SLIT1: variants seen among roughly 807,000 people sequenced by gnomAD.
SLIT1 encodes slit guidance ligand 1.
In SLIT1, 66 loss-of-function variants were observed where a neutral mutation model predicts 186.1. The ratio of observed to expected loss-of-function variants is 0.35; its 90% CI spans 0.29 to 0.44. SLIT1 has a LOEUF of 0.44. Among genes scored for constraint, SLIT1 ranks in the 20% least tolerant of loss-of-function variants. The probability of loss-of-function intolerance (pLI) is 1.00; values close to 1 mark genes in which losing one functional copy is unlikely to be tolerated. For missense variants in SLIT1, 1,638 were observed against 2,037.4 expected (o/e 0.80, Z 3.77); for synonymous variants, 761 against 833.8 (o/e 0.91, Z 1.50).
intron 4 of SLIT1, among the ~76,000 whole-genome samples, chr10:97,131,189 G>A (rs1849651048): frequency 6.6e-6 from 1 of 152,178 alleles, no homozygotes; most frequent in African/African-American, 2.4e-5. Flanking sequence ...GAGCCACACA[G>A]GCCAGAAACA....
intron 22 of SLIT1, among the ~76,000 whole-genome samples, 195 bp from the exon 23 acceptor site, chr10:97,034,737 C>T (rs1043014094): frequency 1.3e-5 from 2 of 152,126 alleles, no homozygotes; most frequent in Non-Finnish European, 2.9e-5. Context: ...TCCCTCAACT[C>T]CCTCAGGTAC....
chr10:97,051,911 A>G (rs1287840434), intron 13 of SLIT1, among the ~76,000 whole-genome samples: 3 of 152,072 alleles, frequency 2.0e-5, no homozygotes, highest in East Asian at 3.9e-4. Flanking sequence ...AGTGGAAACC[A>G]CCCCAAATGT....
At position 97,046,757 on chromosome 10, in the gene SLIT1, C is replaced by T. The variant is rs747842718; in HGVS notation, c.1750G>A (p.Ala584Thr). Residue 584 changes from alanine (A) to threonine (T), a missense_variant, in exon 18 of 37, where the codon GCC (alanine) becomes ACC (threonine). By Grantham distance (58) the Ala-to-Thr change is moderately conservative. Coordinates refer to ENST00000266058, the MANE Select transcript of SLIT1 (RefSeq NM_003061.3). ...CTCACAGAGGCTGCGCCCTCGAAGG[C>T]CCCATCTTCAATTTCTGACACCTTG... is the stretch of plus-strand genomic sequence containing the variant. The part of the protein sequence containing the change: ...NNKVSEIEDG[A>T]FEGAASVSEL... The T allele has an allele frequency of 2.5e-6, 4 of 1,612,448 alleles. No individual in the cohort carries two copies. The highest frequency in any genetic ancestry group is 2.5e-6 in the Non-Finnish European group (3 of 1,180,022).
intron 4 of SLIT1, among the ~76,000 whole-genome samples, chr10:97,078,231 G>A (rs1849064820): frequency 6.6e-6 from 1 of 152,190 alleles, no homozygotes; most frequent in African/African-American, 2.4e-5. Flanking sequence ...TGGGGTCTGA[G>A]CTCTGCCCTT....
chr10:97,161,184 G>C (rs1161160489), intron 3 of SLIT1, among the ~76,000 whole-genome samples: 1 of 152,126 alleles, frequency 6.6e-6, no homozygotes, highest in Non-Finnish European at 1.5e-5. Flanking sequence ...GTCATGTCTC[G>C]ACCCCCCAGA....
intron 12 of SLIT1, 86 bp from the exon 13 acceptor site, chr10:97,056,550 G>C (rs1250420454): frequency 4.2e-6 from 6 of 1,412,616 alleles, no homozygotes; most frequent in Non-Finnish European, 4.9e-6. Flanking sequence ...TTCAGTCCCG[G>C]CCTGCGTTAT....
chr10:97,034,613 C>A, intron 22 of SLIT1, 71 bp from the exon 23 acceptor site: 1 of 1,357,258 alleles, frequency 7.4e-7, no homozygotes, highest in Non-Finnish European at 1.1e-6. Context: ...CGGGCTTCTT[C>A]CCCTCCCTCA....
intron 4 of SLIT1, among the ~76,000 whole-genome samples, chr10:97,116,559 G>A (rs1162253311): frequency 2.6e-5 from 4 of 152,246 alleles, no homozygotes; most frequent in African/African-American, 4.8e-5. Context: ...CTGGTGAGCA[G>A]TGGGGTTTCT....
chr10:97,084,970 C>CTGGAG (rs1210010171), intron 4 of SLIT1, among the ~76,000 whole-genome samples: 2 of 144,846 alleles, frequency 1.4e-5, no homozygotes, highest in African/African-American at 2.5e-5. Flanking sequence ...GTCGCCCAGG[C>CTGGAG]TGGAGTGCAG....
chr10:97,031,892 C>T (rs1014641880), intron 23 of SLIT1, among the ~76,000 whole-genome samples: 1 of 152,258 alleles, frequency 6.6e-6, no homozygotes, highest in African/African-American at 2.4e-5. Flanking sequence ...TCAATCAGTT[C>T]CCCCGACTGT....
At chr10:97,063,205 G>A (rs1276986029) in intron 8 of SLIT1, among the ~76,000 whole-genome samples, 1 of 151,994 alleles carries the variant, frequency 6.6e-6, no homozygotes, top group African/African-American at 2.4e-5. Context: ...GCCATGGTGA[G>A]AATGGGAGGT....
intron 21 of SLIT1, 129 bp from the exon 22 acceptor site, chr10:97,037,895 G>T: frequency 1.6e-6 from 1 of 640,836 alleles, no homozygotes; most frequent in Non-Finnish European, 2.7e-6. Flanking sequence ...CACACGATGG[G>T]CCCAGAATCA....
chr10:97,108,477 G>C (rs1475140878), intron 4 of SLIT1, among the ~76,000 whole-genome samples: 1 of 152,164 alleles, frequency 6.6e-6, no homozygotes, highest in African/African-American at 2.4e-5. Context: ...GAGGGCCCAG[G>C]CTCCGTGTGT....
chr10:97,097,876 C>G (rs1276421794), intron 4 of SLIT1, among the ~76,000 whole-genome samples: 1 of 152,234 alleles, frequency 6.6e-6, no homozygotes, highest in Non-Finnish European at 1.5e-5. Context: ...CCATGCCCTA[C>G]AAAGAGAGAT....
At chr10:97,036,985 G>A (rs1172488411) in intron 22 of SLIT1, among the ~76,000 whole-genome samples, 1 of 151,610 alleles carries the variant, frequency 6.6e-6, no homozygotes, top group Non-Finnish European at 1.5e-5. Flanking sequence ...GGACCGAGAA[G>A]CTTTCCATCA....
intron 30 of SLIT1, among the ~76,000 whole-genome samples, chr10:97,013,450 C>T (rs558695574): frequency 1.3e-5 from 2 of 152,280 alleles, no homozygotes; most frequent in East Asian, 1.9e-4. Flanking sequence ...CTTGCAATCA[C>T]CCCAGGAGGA....
chr10:97,028,981 C>T (rs367702031), intron 25 of SLIT1, among the ~76,000 whole-genome samples: 64 of 152,330 alleles, frequency 4.2e-4, no homozygotes, highest in African/African-American at 1.4e-3. Context: ...CAGCACCCCT[C>T]CCACTGAGTC....
intron 4 of SLIT1, among the ~76,000 whole-genome samples, chr10:97,127,772 G>A (rs2817705): frequency 1.3e-5 from 2 of 151,900 alleles, no homozygotes; most frequent in East Asian, 1.9e-4. Context: ...GCCTTGGGGC[G>A]GCTCCCAGCT....
chr10:97,062,918 G>C (rs1042844386), intron 8 of SLIT1, among the ~76,000 whole-genome samples: 3 of 152,230 alleles, frequency 2.0e-5, no homozygotes, highest in Non-Finnish European at 4.4e-5. Flanking sequence ...CAGAACCCCA[G>C]GGGGAAGGTG....
Sources: allele counts gnomAD v4.1 joint callset (sites outside exome capture counted in the v4.1 genomes callset), GRCh38; gene constraint gnomAD v4.1.1; transcripts MANE v1.5; gene names NCBI Gene and HGNC (gene_info 2026-07-23, HGNC 2026-07-21).